The following MS4A3 variants were observed in gnomAD, a reference collection of about 807,000 sequenced individuals.
MS4A3 encodes the protein membrane spanning 4-domains A3.
MS4A3 carries 18 observed loss-of-function variants against 24.7 expected under a neutral mutation model. That is an observed-to-expected ratio of 0.73 (90% CI 0.50 to 1.08). The LOEUF (loss-of-function observed/expected upper bound fraction) is 1.08. Ranked by LOEUF, MS4A3 falls within the 50% of genes least tolerant of loss-of-function variation. MS4A3 has a pLI of 0.00. For missense variants in MS4A3, 282 were observed against 251.7 expected (o/e 1.12, Z -0.82); for synonymous variants, 84 against 95.3 (o/e 0.88, Z 0.69).
At chr11:60,064,369 T>C (rs758164857) in intron 4 of MS4A3, 51 bp downstream of exon 4, 2 of 1,381,118 alleles carry the variant, frequency 1.4e-6, no homozygotes, top group Non-Finnish European at 2.0e-6. Context: ...AAATATATTA[T>C]TCATAAACAG....
chr11:60,059,417 G>C (rs1024420005), intron 1 of MS4A3, among the ~76,000 whole-genome samples: 1 of 152,026 alleles, frequency 6.6e-6, no homozygotes, highest in Non-Finnish European at 1.5e-5. Context: ...TTTATTTTAG[G>C]TTTACGGGTA....
intron 3 of MS4A3, 148 bp downstream of exon 3, chr11:60,062,753 C>T (rs1046869539): frequency 7.8e-5 from 46 of 587,640 alleles, no homozygotes; most frequent in East Asian, 4.0e-4. Flanking sequence ...CAATTAGAGA[C>T]GATAAACTCT....
intron 3 of MS4A3, 146 bp from the exon 4 acceptor site, chr11:60,064,116 A>G (rs1855321334): frequency 2.8e-6 from 1 of 353,438 alleles, no homozygotes; most frequent in African/African-American, 2.1e-5. Flanking sequence ...GAGCAGCATC[A>G]AGTACAATTC....
chr11:60,060,894 A>G (rs185788815), intron 1 of MS4A3: 2 of 283,074 alleles, frequency 7.1e-6, no homozygotes, highest in African/African-American at 2.2e-5. Context: ...AAAATGAGAA[A>G]GAAATTGCTC....
chr11:60,069,594 G>C lies in MS4A3; in HGVS notation c.534G>C (p.Leu178=). The stretch of plus-strand genomic sequence containing the variant: ...CCTAGGGCATGGTGTCTCTACTGCT[G>C]ATTCTCACCTTGCTGGAATTATGCG... ...SISNGMVSLL[L]ILTLLELCVT... The change falls in exon 6 of 7, where the codon CTG becomes CTC. Residue 178 remains leucine (L), a synonymous_variant. Transcript: ENST00000278865. 6.2e-7 allele frequency: 1 copy of C among 1,613,206 alleles called. No individual in the cohort carries two copies. Among genetic ancestry groups the C allele is most frequent in the Non-Finnish European group, 8.5e-7 (1 of 1,179,370 alleles).
At chr11:60,069,704 A>G (rs1438551089) in intron 6 of MS4A3, 29 bp downstream of exon 6, 1 of 1,519,580 alleles carries the variant, frequency 6.6e-7, no homozygotes, top group East Asian at 2.3e-5. Flanking sequence ...TTAATCATTC[A>G]CATGATCTCA....
chr11:60,064,325 A>G lies in MS4A3; in HGVS notation c.351+7A>G. On this transcript the variant is annotated splice_region_variant and intron_variant, in intron 4 of 6. Transcript: ENST00000278865. ...AAAACCCACAAGAACATGGGTAAGT[A>G]GCACTTCCTCTTTTTCTATGATCAG... is the stretch of plus-strand genomic sequence containing the variant. 6.3e-7 allele frequency: 1 copy of G among 1,593,866 alleles called. No individual in the cohort carries two copies. Among genetic ancestry groups the G allele is most frequent in the Non-Finnish European group, 8.6e-7 (1 of 1,167,398 alleles).
At chr11:60,067,376 G>T (rs897150740) in intron 5 of MS4A3, among the ~76,000 whole-genome samples, 25 of 151,876 alleles carry the variant, frequency 1.6e-4, no homozygotes, top group African/African-American at 6.0e-4. Context: ...ACCATGCCCA[G>T]CTAATTTTTT....
intron 5 of MS4A3, among the ~76,000 whole-genome samples, chr11:60,067,822 C>A (rs527512257): frequency 4.9e-4 from 74 of 151,076 alleles, no homozygotes; most frequent in African/African-American, 1.6e-3. Flanking sequence ...CCGAGGCAGG[C>A]GGATCACGAG....
chr11:60,057,234 A>G (rs1855184802), intron 1 of MS4A3, among the ~76,000 whole-genome samples: 1 of 152,170 alleles, frequency 6.6e-6, no homozygotes, highest in Admixed American at 6.5e-5. Flanking sequence ...TTCATCTGTT[A>G]GATGGAAAGG....
Position 60,061,211 on chromosome 11 carries a change from T to C in MS4A3, c.51T>C (p.His17=), listed in dbSNP as rs372876426. The change falls in exon 2 of 7, where the codon CAT becomes CAC. Residue 17 remains histidine, a synonymous_variant. Transcript: ENST00000278865. ...CAGAGCTGGGGTCAGCCTCTGCCCA[T>C]GGTACCCCAGGCAGTGAGGCGGGAC... is the stretch of plus-strand genomic sequence containing the variant. The part of the protein sequence containing the change: ...DNAELGSASA[H]GTPGSEAGPE... The C allele has an allele frequency of 6.8e-6, 11 of 1,613,348 alleles. No individual in the cohort carries two copies. Among genetic ancestry groups the C allele is most frequent in the African/African-American group, 2.7e-5 (2 of 74,862 alleles).
At position 60,068,227 on chromosome 11, in the gene MS4A3, A is replaced by G. The variant is rs537936375; in HGVS notation, c.513+1115A>G. On this transcript the variant is annotated intron_variant, in intron 5 of 6. Transcript: ENST00000278865. Reference sequence around the variant, plus strand: ...TGGTGTTTTCAAAGGAAAGCTCTTTAATAACCTTACCTTTTTTTTTTTTTT... The same window carrying G: ...TGGTGTTTTCAAAGGAAAGCTCTTTGATAACCTTACCTTTTTTTTTTTTTT... Among the ~76,000 whole-genome samples the G allele has an allele frequency of 3.2e-3, 482 of 149,424 alleles. 4 individuals are homozygous for G. Among genetic ancestry groups the G allele is most frequent in the African/African-American group, 0.012 (470 of 40,618 alleles).
In MS4A3 at chr11:60,070,774, G is replaced by A. The variant is rs898389412; in HGVS notation, c.*541G>A. ...TTTTCACTGTATTTGAGATGGGAGG[G>A]TTAAGGCTCAGGGATTTTATTTCAG... On this transcript the variant is annotated 3_prime_UTR_variant, in exon 7 of 7. Transcript: ENST00000278865. 6.6e-6 allele frequency: 1 copy of A among 152,448 alleles called. No homozygotes were observed. The allele number at this position is 152,448 out of a possible 1,614,324, so 9.4% of individuals were successfully genotyped here.
intron 5 of MS4A3, 100 bp downstream of exon 5, chr11:60,067,212 C>CTTCT: frequency 1.8e-6 from 1 of 548,102 alleles, no homozygotes; most frequent in African/African-American, 2.3e-5. Context: ...TAATTTGAAT[C>CTTCT]TTTTTTTTTT....
At chr11:60,065,486 A>T (rs977257343) in intron 4 of MS4A3, among the ~76,000 whole-genome samples, 2 of 151,972 alleles carry the variant, frequency 1.3e-5, no homozygotes, top group Non-Finnish European at 2.9e-5. Context: ...CTGTAGCTAA[A>T]CTCCTTCAAA....
intron 4 of MS4A3, 126 bp from the exon 5 acceptor site, chr11:60,066,825 G>C (rs12221875): frequency 0.31 from 213,586 of 680,202 alleles, 36,353 homozygotes; most frequent in East Asian, 0.46. Context: ...ATTGATGTTA[G>C]CCTCGCATCT....
chr11:60,070,057 C>T (rs1399963470), intron 6 of MS4A3, 147 bp from the exon 7 acceptor site: 1 of 681,218 alleles, frequency 1.5e-6, no homozygotes, highest in Non-Finnish European at 2.6e-6. Flanking sequence ...GTTGTGAGTA[C>T]TGTGTATATA....
intron 4 of MS4A3, among the ~76,000 whole-genome samples, chr11:60,066,349 A>G (rs1433154716): frequency 2.0e-5 from 3 of 152,140 alleles, no homozygotes; most frequent in Admixed American, 6.5e-5. Flanking sequence ...ATTTGCTCCA[A>G]ATCCTTCATT....
At chr11:60,064,444 G>C (rs1405491380) in intron 4 of MS4A3, 126 bp downstream of exon 4, 2 of 552,234 alleles carry the variant, frequency 3.6e-6, no homozygotes, top group African/African-American at 2.1e-5. Flanking sequence ...CAAAATATTA[G>C]TTTTCTTAAC....
Sources: gnomAD v4.1 joint callset for allele counts (sites outside exome capture counted in the v4.1 genomes callset) on GRCh38, gnomAD v4.1.1 for gene constraint, MANE v1.5 for transcripts, NCBI Gene and HGNC (gene_info 2026-07-23, HGNC 2026-07-21) for gene names.